Variants in NTF3 observed in about 807,000 individuals in gnomAD.
The protein encoded by NTF3 is neurotrophin-3.
A neutral mutation model predicts 26.3 loss-of-function variants in NTF3; 8 were observed. The observed-to-expected ratio is 0.30, with a 90% CI of 0.18 to 0.55. The LOEUF (loss-of-function observed/expected upper bound fraction) is 0.55, where lower values mean the gene tolerates loss of function less well. NTF3 is among the 20% of genes least tolerant of loss of function. The pLI, the probability that NTF3 is intolerant of heterozygous loss-of-function variation, is 0.93. For missense variants in NTF3, 276 were observed against 352.9 expected (o/e 0.78, Z 1.75); for synonymous variants, 154 against 145.5 (o/e 1.06, Z -0.42).
intron 1 of NTF3, among the ~76,000 whole-genome samples, chr12:5,455,533 AACAC>A (rs60429736): frequency 0.035 from 3,632 of 103,722 alleles, 83 homozygotes; most frequent in African/African-American, 0.053. Flanking sequence ...ACCCCTCCCC[AACAC>A]ACACACACAC....
At chr12:5,434,897 T>A (rs747634147) in intron 1 of NTF3, among the ~76,000 whole-genome samples, 7 of 151,770 alleles carry the variant, frequency 4.6e-5, no homozygotes, top group African/African-American at 1.2e-4. Flanking sequence ...ACTGGGAAAT[T>A]TGGCTGGAAT....
chr12:5,476,430 TA>T (rs1940724323), intron 1 of NTF3, among the ~76,000 whole-genome samples: 1 of 152,144 alleles, frequency 6.6e-6, no homozygotes, highest in Non-Finnish European at 1.5e-5. Flanking sequence ...TGATCTACAG[TA>T]AGGGCTGAGC....
upstream of NTF3, among the ~76,000 whole-genome samples, chr12:5,431,827 C>T (rs1400261442): frequency 5.3e-5 from 8 of 152,192 alleles, no homozygotes; most frequent in East Asian, 1.5e-3. Context: ...TAAAAGGGAA[C>T]TCAAGGGTGG....
intron 1 of NTF3, among the ~76,000 whole-genome samples, chr12:5,481,665 T>G (rs907581791): frequency 8.4e-6 from 1 of 118,728 alleles, no homozygotes; most frequent in African/African-American, 3.3e-5. Flanking sequence ...AATACACACA[T>G]GCACACACAT....
intron 1 of NTF3, among the ~76,000 whole-genome samples, chr12:5,440,053 G>A (rs1940218475): frequency 6.6e-6 from 1 of 152,126 alleles, no homozygotes; most frequent in Admixed American, 6.5e-5. Context: ...AAGCCAAACA[G>A]GTTCTTGGGG....
intron 1 of NTF3, among the ~76,000 whole-genome samples, chr12:5,458,612 G>A (rs986296831): frequency 6.6e-6 from 1 of 152,162 alleles, no homozygotes; most frequent in African/African-American, 2.4e-5. Context: ...ATCAGAGCTG[G>A]GATTAAGGAA....
At chr12:5,449,655 G>T (rs184633986) in intron 1 of NTF3, among the ~76,000 whole-genome samples, 40 of 152,220 alleles carry the variant, frequency 2.6e-4, no homozygotes, top group African/African-American at 8.2e-4. Flanking sequence ...CTTGCCTTGC[G>T]GGAGTAAGAA....
intron 1 of NTF3, among the ~76,000 whole-genome samples, chr12:5,464,380 A>G (rs985477639): frequency 6.6e-6 from 1 of 152,218 alleles, no homozygotes; most frequent in Admixed American, 6.5e-5. Flanking sequence ...CAGTGGTTGG[A>G]CTTTCAATTT....
upstream of NTF3, among the ~76,000 whole-genome samples, chr12:5,430,840 G>A (rs1178183498): frequency 6.6e-6 from 1 of 152,032 alleles, no homozygotes; most frequent in African/African-American, 2.4e-5. Flanking sequence ...CCTGGCAGGA[G>A]ATGATGTGAG....
At chr12:5,467,122 C>T (rs980987176) in intron 1 of NTF3, among the ~76,000 whole-genome samples, 3 of 149,710 alleles carry the variant, frequency 2.0e-5, no homozygotes, top group South Asian at 2.1e-4. Flanking sequence ...CCCAGCTACT[C>T]GGGAGGCTGA....
intron 1 of NTF3, among the ~76,000 whole-genome samples, chr12:5,475,217 G>A (rs1054040222): frequency 7.9e-5 from 12 of 152,176 alleles, no homozygotes; most frequent in African/African-American, 2.9e-4. Context: ...TGCTGGTGGT[G>A]GTAGGAGGAA....
chr12:5,431,262 A>G (rs1411471661), upstream of NTF3, among the ~76,000 whole-genome samples: 1 of 151,818 alleles, frequency 6.6e-6, no homozygotes, highest in Non-Finnish European at 1.5e-5. Context: ...GTGCTGGGCG[A>G]GTGATTAGCT....
chr12:5,444,976 A>G (rs901251763), intron 1 of NTF3, among the ~76,000 whole-genome samples: 32 of 152,340 alleles, frequency 2.1e-4, no homozygotes, highest in African/African-American at 7.2e-4. Flanking sequence ...CTCTGGACAC[A>G]TGGATTAAAA....
intron 1 of NTF3, among the ~76,000 whole-genome samples, chr12:5,488,708 G>A (rs887922678): frequency 1.3e-5 from 2 of 151,826 alleles, no homozygotes; most frequent in Admixed American, 1.3e-4. Context: ...TCCCTTTCCA[G>A]TCCCTGAACA....
At chr12:5,449,395 T>G (rs1940346241) in intron 1 of NTF3, among the ~76,000 whole-genome samples, 1 of 152,246 alleles carries the variant, frequency 6.6e-6, no homozygotes, top group Non-Finnish European at 1.5e-5. Flanking sequence ...TTCTTTGAAC[T>G]TTTTGGAAAC....
intron 1 of NTF3, among the ~76,000 whole-genome samples, chr12:5,437,899 A>C (rs1009242589): frequency 1.3e-5 from 2 of 152,068 alleles, no homozygotes; most frequent in Admixed American, 1.3e-4. Flanking sequence ...GTGCTGGGGG[A>C]CACGTGAGCG....
intron 1 of NTF3, among the ~76,000 whole-genome samples, chr12:5,468,878 TG>T (rs1487899914): frequency 5.9e-5 from 9 of 152,120 alleles, no homozygotes; most frequent in Admixed American, 5.9e-4. Context: ...CCCAGCACCT[TG>T]GGAGCCCGAG....
At chr12:5,480,474 A>G (rs1019278569) in intron 1 of NTF3, among the ~76,000 whole-genome samples, 1 of 152,164 alleles carries the variant, frequency 6.6e-6, no homozygotes, top group Admixed American at 6.5e-5. Context: ...CCAGTGCTTA[A>G]AGGAGGGTCT....
intron 1 of NTF3, among the ~76,000 whole-genome samples, chr12:5,481,357 T>C (rs1940790387): frequency 6.8e-6 from 1 of 146,930 alleles, no homozygotes; most frequent in South Asian, 2.2e-4. Context: ...CACGCACACA[T>C]GTACATACAC....
Sources: gnomAD v4.1 joint callset for allele counts (sites outside exome capture counted in the v4.1 genomes callset) on GRCh38, gnomAD v4.1.1 for gene constraint, MANE v1.5 for transcripts, NCBI Gene and HGNC (gene_info 2026-07-23, HGNC 2026-07-21) for gene names.